EFCAB7: variants seen among roughly 807,000 people sequenced by gnomAD.
The protein encoded by EFCAB7 is EF-hand calcium-binding domain-containing protein 7.
A neutral mutation model predicts 77.1 loss-of-function variants in EFCAB7; 66 were observed. That is an observed-to-expected ratio of 0.86 (90% CI 0.70 to 1.05). The LOEUF is 1.05. Ranked by LOEUF, EFCAB7 falls within the 50% of genes least tolerant of loss-of-function variation. The pLI, the probability that EFCAB7 is intolerant of heterozygous loss-of-function variation, is 0.00. For synonymous variants in EFCAB7, 225 were observed against 243.3 expected (o/e 0.92, Z 0.70); for missense variants, 638 against 730.5 (o/e 0.87, Z 1.46).
intron 2 of EFCAB7, among the ~76,000 whole-genome samples, chr1:63,528,343 C>T (rs1431923006): frequency 6.6e-6 from 1 of 152,046 alleles, no homozygotes. Context: ...GAAAGGCAAA[C>T]ATCACACATT....
chr1:63,563,963 T>A (rs979868694), intron 11 of EFCAB7, among the ~76,000 whole-genome samples: 5 of 151,806 alleles, frequency 3.3e-5, no homozygotes, highest in Non-Finnish European at 7.4e-5. Flanking sequence ...TTTGCCCCCC[T>A]TTTTTTTCTG....
chr1:63,567,344 T>G (rs547236343), intron 11 of EFCAB7, among the ~76,000 whole-genome samples: 2 of 151,954 alleles, frequency 1.3e-5, no homozygotes, highest in Non-Finnish European at 2.9e-5. Flanking sequence ...TCGCAGCTAC[T>G]TGGGAGGCTG....
chr1:63,566,512 A>T (rs1647175234), intron 11 of EFCAB7, among the ~76,000 whole-genome samples: 2 of 152,112 alleles, frequency 1.3e-5, no homozygotes, highest in African/African-American at 4.8e-5. Flanking sequence ...AAAAAAAAAG[A>T]AAAAAAATTA....
downstream of EFCAB7, among the ~76,000 whole-genome samples, chr1:63,574,201 C>T (rs1647347399): frequency 6.6e-6 from 1 of 152,004 alleles, no homozygotes; most frequent in African/African-American, 2.4e-5. Flanking sequence ...TGAACAATCC[C>T]TGAGAGGTAG....
At chr1:63,529,690 G>A (rs1646660486) in intron 2 of EFCAB7, 1 of 151,830 alleles carries the variant, frequency 6.6e-6, no homozygotes, top group Non-Finnish European at 1.5e-5. Context: ...TCCAGCCTGG[G>A]CAACAAGAGC....
intron 2 of EFCAB7, chr1:63,529,054 A>T (rs1266812361): frequency 6.6e-6 from 1 of 152,142 alleles, no homozygotes; most frequent in Non-Finnish European, 1.5e-5. Flanking sequence ...TAAAACACAT[A>T]TTGCCATTTC....
the EFCAB7 span, among the ~76,000 whole-genome samples, chr1:63,579,419 T>C: frequency 6.6e-6 from 1 of 152,224 alleles, no homozygotes; most frequent in East Asian, 1.9e-4. Flanking sequence ...CTGAGTAGTA[T>C]TTTATTATAT....
chr1:63,550,199 T>G (rs1278493642), intron 7 of EFCAB7: 2 of 152,206 alleles, frequency 1.3e-5, no homozygotes, highest in Non-Finnish European at 2.9e-5. Context: ...GCACGAATGA[T>G]TCTATTGAAG....
chr1:63,529,422 T>C (rs1646654489), intron 2 of EFCAB7, among the ~76,000 whole-genome samples: 3 of 152,078 alleles, frequency 2.0e-5, no homozygotes, highest in Admixed American at 2.0e-4. Context: ...ATTTAGATTA[T>C]AAAATTTCTT....
chr1:63,561,998 C>T, intron 11 of EFCAB7, 141 bp downstream of exon 11: 1 of 464,464 alleles, frequency 2.2e-6, no homozygotes, highest in East Asian at 3.6e-5. Context: ...GGTGCAACAA[C>T]ATGTTTCTGT....
chr1:63,527,541 G>A (rs1646616390), intron 2 of EFCAB7, among the ~76,000 whole-genome samples: 1 of 151,950 alleles, frequency 6.6e-6, no homozygotes, highest in Admixed American at 6.6e-5. Flanking sequence ...ATAGATGCAT[G>A]TCAGAACTTT....
At chr1:63,577,146 A>G (rs1027457083), downstream of EFCAB7, among the ~76,000 whole-genome samples, 12 of 152,098 alleles carry the variant, frequency 7.9e-5, no homozygotes, top group Admixed American at 1.3e-4. Flanking sequence ...CTCAAAAAAA[A>G]AAGAGTACTT....
chr1:63,562,178 A>G (rs1647109501), intron 11 of EFCAB7, among the ~76,000 whole-genome samples: 1 of 151,942 alleles, frequency 6.6e-6, no homozygotes, highest in South Asian at 2.1e-4. Flanking sequence ...TCTATAGGGA[A>G]ACACTTTGTC....
At chr1:63,577,600 A>G (rs1296118073), downstream of EFCAB7, among the ~76,000 whole-genome samples, 4 of 152,228 alleles carry the variant, frequency 2.6e-5, no homozygotes, top group Non-Finnish European at 2.9e-5. Context: ...TAAAAATAGG[A>G]GTAGACTAGG....
intron 6 of EFCAB7, among the ~76,000 whole-genome samples, chr1:63,544,203 C>T (rs111977145): frequency 0.012 from 1,841 of 152,008 alleles, 31 homozygotes; most frequent in African/African-American, 0.042. Flanking sequence ...ATTCTGACCT[C>T]CAGTGATCCA....
At chr1:63,578,765 A>G in the EFCAB7 span, among the ~76,000 whole-genome samples, 1 of 151,648 alleles carries the variant, frequency 6.6e-6, no homozygotes, top group African/African-American at 2.4e-5. Context: ...TCAATCATAT[A>G]TAAATTGAGT....
the EFCAB7 span, among the ~76,000 whole-genome samples, chr1:63,580,052 G>A: frequency 2.0e-5 from 3 of 152,152 alleles, no homozygotes; most frequent in Non-Finnish European, 2.9e-5. Flanking sequence ...CGTATAGAGA[G>A]TGAAAGTTTT....
chr1:63,576,791 A>G (rs1441431059), downstream of EFCAB7, among the ~76,000 whole-genome samples: 2 of 149,438 alleles, frequency 1.3e-5, no homozygotes, highest in African/African-American at 4.9e-5. Flanking sequence ...AGCTGAGATC[A>G]CCCCACTGCA....
At chr1:63,566,344 CAG>C (rs1334328987) in intron 11 of EFCAB7, among the ~76,000 whole-genome samples, 1 of 152,154 alleles carries the variant, frequency 6.6e-6, no homozygotes, top group Non-Finnish European at 1.5e-5. Context: ...TAGAGCCTAT[CAG>C]AGGGTGAAGA....
Sources: allele counts gnomAD v4.1 joint callset (sites outside exome capture counted in the v4.1 genomes callset), GRCh38; gene constraint gnomAD v4.1.1; transcripts MANE v1.5; gene names NCBI Gene and HGNC (gene_info 2026-07-23, HGNC 2026-07-21).